DOCK2: variants seen among roughly 807,000 people sequenced by gnomAD.
DOCK2 encodes the protein dedicator of cytokinesis protein 2.
In DOCK2, 87 loss-of-function variants were observed where a neutral mutation model predicts 248.9. The observed-to-expected ratio is 0.35, with a 90% CI of 0.29 to 0.42. The LOEUF is 0.42. DOCK2 is among the 10% of genes least tolerant of loss of function. The probability of loss-of-function intolerance (pLI) is 1.00; values close to 1 mark genes in which losing one functional copy is unlikely to be tolerated. For missense variants in DOCK2, 1,747 were observed against 2,300.2 expected (o/e 0.76, Z 4.92); for synonymous variants, 805 against 821.6 (o/e 0.98, Z 0.35).
intron 47 of DOCK2, 116 bp from the exon 48 acceptor site, chr5:170,077,594 A>C (rs1757878614): frequency 6.9e-7 from 1 of 1,459,794 alleles, no homozygotes; most frequent in South Asian, 1.3e-5. Context: ...TTTTGTGCTG[A>C]TGCTCCACTC....
chr5:169,895,040 G>T (rs1314577171), intron 27 of DOCK2, among the ~76,000 whole-genome samples: 1 of 152,094 alleles, frequency 6.6e-6, no homozygotes, highest in African/African-American at 2.4e-5. Flanking sequence ...TCAGACCATT[G>T]CTGGAATCGA....
intron 49 of DOCK2, 131 bp downstream of exon 49, chr5:170,079,277 G>A: frequency 1.6e-6 from 2 of 1,284,486 alleles, no homozygotes; most frequent in South Asian, 2.9e-5. Context: ...GTATTGCAGA[G>A]GCGGCACCTG....
intron 26 of DOCK2, among the ~76,000 whole-genome samples, chr5:169,804,476 G>GTT (rs1487682141): frequency 2.4e-5 from 2 of 84,488 alleles, no homozygotes; most frequent in Non-Finnish European, 6.0e-5. Flanking sequence ...GTGTGTGTGT[G>GTT]TGTGTGTGTG....
chr5:170,014,631 A>G (rs1458066207), intron 32 of DOCK2, among the ~76,000 whole-genome samples: 3 of 58,248 alleles, frequency 5.2e-5, no homozygotes, highest in African/African-American at 2.9e-4. Flanking sequence ...TTGCAGAGAC[A>G]TGTGTTGGGG....
chr5:169,973,450 C>T (rs906010946), intron 27 of DOCK2, among the ~76,000 whole-genome samples: 1 of 152,162 alleles, frequency 6.6e-6, no homozygotes, highest in Non-Finnish European at 1.5e-5. Context: ...TTAAGGGACC[C>T]TCTGCATGTG....
At chr5:169,746,353 T>A (rs1172584628) in intron 22 of DOCK2, among the ~76,000 whole-genome samples, 1 of 152,106 alleles carries the variant, frequency 6.6e-6, no homozygotes, top group Non-Finnish European at 1.5e-5. Flanking sequence ...GCAGAGACAG[T>A]GCTGAGGGGG....
chr5:169,914,124 AT>A (rs1774751054), intron 27 of DOCK2, among the ~76,000 whole-genome samples: 1 of 152,182 alleles, frequency 6.6e-6, no homozygotes, highest in Admixed American at 6.5e-5. Flanking sequence ...TTGTATAGAT[AT>A]TATACATCCT....
chr5:169,925,106 C>A (rs1432904058), intron 27 of DOCK2, among the ~76,000 whole-genome samples: 1 of 152,006 alleles, frequency 6.6e-6, no homozygotes, highest in Non-Finnish European at 1.5e-5. Context: ...CCACCCCAAC[C>A]CCCCATTCAT....
intron 5 of DOCK2, among the ~76,000 whole-genome samples, chr5:169,671,786 C>A (rs1759061100): frequency 6.6e-6 from 1 of 152,152 alleles, no homozygotes; most frequent in Admixed American, 6.6e-5. Flanking sequence ...TATTATGGCA[C>A]CGTGGACACC....
In DOCK2 at chr5:169,983,051, G is replaced by T. The variant is rs778304933; in HGVS notation, c.2800-17G>T. The T allele has an allele frequency of 6.2e-7, 1 of 1,613,532 alleles. No individual in the cohort carries two copies. Among genetic ancestry groups the T allele is most frequent in the Non-Finnish European group, 8.5e-7 (1 of 1,179,554 alleles). On this transcript the variant is annotated splice_polypyrimidine_tract_variant and intron_variant, in intron 27 of 51. Transcript: ENST00000520908. ...CCTCTCTCAACTATTTATAGTATTT[G>T]TCTTCATTTCTTGCAGAGTCACTTT... is the stretch of plus-strand genomic sequence containing the variant.
intron 27 of DOCK2, among the ~76,000 whole-genome samples, chr5:169,901,201 G>A (rs576944450): frequency 1.4e-4 from 21 of 152,254 alleles, no homozygotes; most frequent in Non-Finnish European, 2.9e-4. Context: ...AAAAGAGGGT[G>A]TCCAGGCAAA....
At chr5:169,814,690 GT>G (rs1439204220) in intron 26 of DOCK2, among the ~76,000 whole-genome samples, 1 of 152,120 alleles carries the variant, frequency 6.6e-6, no homozygotes, top group South Asian at 2.1e-4. Flanking sequence ...AATTTAAAAT[GT>G]TTTTAAGAAG....
chr5:169,850,906 C>CT (rs1206774359), intron 27 of DOCK2, among the ~76,000 whole-genome samples: 1 of 152,202 alleles, frequency 6.6e-6, no homozygotes, highest in Non-Finnish European at 1.5e-5. Context: ...AGGAGCATTT[C>CT]TTGCCCTATG....
At chr5:169,871,941 C>T (rs558678510) in intron 27 of DOCK2, among the ~76,000 whole-genome samples, 131 of 152,328 alleles carry the variant, frequency 8.6e-4, no homozygotes, top group African/African-American at 3.1e-3. Context: ...CTGGGGTCAG[C>T]AATCTTGGGT....
At chr5:169,641,395 G>A (rs1201349447) in intron 1 of DOCK2, among the ~76,000 whole-genome samples, 2 of 152,214 alleles carry the variant, frequency 1.3e-5, no homozygotes, top group East Asian at 3.9e-4. Context: ...TGTGGGTGAT[G>A]CTGTCGCAGC....
chr5:169,765,698 AAGAG>A (rs879427354), intron 25 of DOCK2, among the ~76,000 whole-genome samples: 2 of 152,184 alleles, frequency 1.3e-5, no homozygotes, highest in Admixed American at 1.3e-4. Flanking sequence ...GATTGACAGA[AAGAG>A]AGAGGGAAGA....
intron 30 of DOCK2, chr5:169,997,853 TC>T (rs1157583994): frequency 2.2e-6 from 1 of 449,564 alleles, no homozygotes; most frequent in African/African-American, 2.0e-5. Flanking sequence ...TCTAAGTTGT[TC>T]AGTTCCTCTC....
Position 169,764,158 on chromosome 5 carries a change from C to T in DOCK2, c.2554+2533C>T, listed in dbSNP as rs1406922836. Among the ~76,000 whole-genome samples, 1 of 152,172 alleles carries T rather than the reference C, an allele frequency of 6.6e-6. No homozygotes were observed. Among genetic ancestry groups the T allele is most frequent in the African/African-American group, 2.4e-5 (1 of 41,434 alleles). ...TATTCTCCCTGTGAAGTGTCCTGTG[C>T]CTCGGGGACGTGATTTGCTTTGAGC... On this transcript the variant is annotated intron_variant, in intron 25 of 51. Transcript: ENST00000520908. This position sits in a 1 kb window ranked among gnomAD's most constrained non-coding sequence, Gnocchi z 4.3.
At chr5:169,925,876 G>A (rs1442804765) in intron 27 of DOCK2, among the ~76,000 whole-genome samples, 4 of 152,178 alleles carry the variant, frequency 2.6e-5, no homozygotes, top group African/African-American at 9.7e-5. Flanking sequence ...GGGAGAAGAT[G>A]TTCCCTGGCA....
Sources: allele counts gnomAD v4.1 joint callset (sites outside exome capture counted in the v4.1 genomes callset), GRCh38; gene constraint gnomAD v4.1.1; non-coding constraint Gnocchi (gnomAD v3.1); transcripts MANE v1.5; gene names NCBI Gene and HGNC (gene_info 2026-07-23, HGNC 2026-07-21).